The following P3H2 variants were observed in gnomAD, a reference collection of about 807,000 sequenced individuals.
The protein encoded by P3H2 is prolyl 3-hydroxylase 2, also known as leprecan-like 1.
Under a neutral mutation model 87.0 loss-of-function variants are expected in P3H2, and 80 were observed. That is an observed-to-expected ratio of 0.92 (90% CI 0.77 to 1.11). The LOEUF (loss-of-function observed/expected upper bound fraction) is 1.11. P3H2 is among the 50% of genes least tolerant of loss of function. P3H2 has a pLI of 0.00. For synonymous variants in P3H2, 367 were observed against 359.3 expected, an observed-to-expected ratio of 1.02 and a Z score of -0.24; for missense variants, 1,001 against 923.9, an observed-to-expected ratio of 1.08 and a Z score of -1.08.
At chr3:189,972,838 T>C (rs1476195366) in intron 11 of P3H2, 36 bp downstream of exon 11, 4 of 1,610,980 alleles carry the variant, frequency 2.5e-6, no homozygotes, top group Middle Eastern at 1.7e-4. Flanking sequence ...CAATGTATTG[T>C]GGGTAAAAGG....
chr3:190,049,202 C>G (rs547854055), intron 1 of P3H2, among the ~76,000 whole-genome samples: 4 of 152,066 alleles, frequency 2.6e-5, no homozygotes, highest in Admixed American at 6.5e-5. Context: ...AGATCAGGAT[C>G]GGGGAGTGTT....
rs141756433 is a variant in P3H2 at position 190,040,543 on chromosome 3, T to C, written c.481-45101A>G. Among the ~76,000 whole-genome samples the C allele has an allele frequency of 3.3e-3, 501 of 152,294 alleles. 5 individuals are homozygous for C. Among genetic ancestry groups the C allele is most frequent in the African/African-American group, 0.011 (478 of 41,578 alleles). ...ATACGACTAAAAATGTTCATATTCA[T>C]CACCTAAGGAAGGTAATGCTTTTAT... On this transcript the variant is annotated intron_variant, in intron 1 of 14. Coordinates refer to ENST00000319332, the MANE Select transcript of P3H2 (RefSeq NM_018192.4).
At chr3:190,034,951 C>T (rs187143713) in intron 1 of P3H2, among the ~76,000 whole-genome samples, 5 of 150,570 alleles carry the variant, frequency 3.3e-5, no homozygotes, top group Non-Finnish European at 5.9e-5. Context: ...CAGATTCAAG[C>T]GATTCTCCTG....
At chr3:190,104,111 A>T (rs938193808) in intron 1 of P3H2, among the ~76,000 whole-genome samples, 4 of 152,146 alleles carry the variant, frequency 2.6e-5, no homozygotes, top group African/African-American at 9.7e-5. Context: ...TTTTTGTGGT[A>T]AAGTATTGGT....
chr3:190,019,011 T>C (rs946746258), intron 1 of P3H2, among the ~76,000 whole-genome samples: 4 of 152,200 alleles, frequency 2.6e-5, no homozygotes, highest in Non-Finnish European at 5.9e-5. Context: ...AACTACTGGA[T>C]CCTATGCCAC....
intron 1 of P3H2, among the ~76,000 whole-genome samples, chr3:190,066,868 T>C (rs971135327): frequency 3.3e-5 from 5 of 152,118 alleles, no homozygotes; most frequent in African/African-American, 1.2e-4. Flanking sequence ...ATGTTCCTTC[T>C]GCCTAGAGTG....
At chr3:190,038,982 G>A (rs1725513324) in intron 1 of P3H2, among the ~76,000 whole-genome samples, 3 of 152,092 alleles carry the variant, frequency 2.0e-5, no homozygotes, top group Non-Finnish European at 2.9e-5. Context: ...CTGAGGTCGC[G>A]AGTTCAAGAC....
At chr3:189,966,131 GAAAGAA>G (rs1560339061) in intron 13 of P3H2, among the ~76,000 whole-genome samples, 3 of 51,266 alleles carry the variant, frequency 5.9e-5, no homozygotes, top group Non-Finnish European at 8.8e-5. Flanking sequence ...GAAAAAGAAA[GAAAGAA>G]AGAAAGAAAG....
chr3:190,017,721 A>G (rs2108938698), intron 1 of P3H2, among the ~76,000 whole-genome samples: 1 of 152,262 alleles, frequency 6.6e-6, no homozygotes, highest in South Asian at 2.1e-4. Flanking sequence ...GAGAAGGAGC[A>G]AACACTTTGT....
At chr3:190,010,656 T>A (rs710575) in intron 1 of P3H2, among the ~76,000 whole-genome samples, 30,022 of 152,164 alleles carry the variant, frequency 0.2, 3,255 homozygotes, top group Non-Finnish European at 0.25. Context: ...TTTGGGCTTC[T>A]GGCCTCTAGA....
At chr3:189,988,523 C>T (rs1723775746) in intron 4 of P3H2, among the ~76,000 whole-genome samples, 1 of 152,088 alleles carries the variant, frequency 6.6e-6, no homozygotes, top group Admixed American at 6.5e-5. Context: ...ATCTTTGATT[C>T]ACTGTTTATG....
At chr3:189,976,972 G>A (rs1267015016) in intron 8 of P3H2, among the ~76,000 whole-genome samples, 2 of 152,156 alleles carry the variant, frequency 1.3e-5, no homozygotes, top group South Asian at 2.1e-4. Context: ...ATAAGAGGAC[G>A]TCTCAGAACT....
At chr3:190,026,891 T>C (rs1332427289) in intron 1 of P3H2, among the ~76,000 whole-genome samples, 1 of 152,188 alleles carries the variant, frequency 6.6e-6, no homozygotes, top group Non-Finnish European at 1.5e-5. Context: ...GTGTAGTATT[T>C]ATCAAAACTC....
intron 6 of P3H2, 83 bp downstream of exon 6, chr3:189,986,705 G>A (rs1167609849): frequency 1.2e-5 from 12 of 1,016,734 alleles, no homozygotes; most frequent in Admixed American, 1.1e-4. Flanking sequence ...GAGGTAAATG[G>A]CAAAAATGGA....
In P3H2 at chr3:189,970,770, T is replaced by C. The variant is rs1257705608; in HGVS notation, c.1893+46A>G. On this transcript the variant is annotated intron_variant, in intron 13 of 14. Coordinates refer to ENST00000319332, the MANE Select transcript of P3H2 (RefSeq NM_018192.4). ...TAAGTACTTAGAAAAATGGCAATAC[T>C]GAGCTAAAACATACTAAATAAGTAT... 3.5e-6 allele frequency: 4 copies of C among 1,139,572 alleles called. No homozygotes were observed. In the African/African-American group the frequency reaches 6.1e-5, roughly 17 times the overall value. 70.6% of individuals were successfully genotyped at this position (1,139,572 alleles called of 1,614,324 possible). A position where few individuals can be genotyped will look rare whatever the true frequency, so the allele number is the denominator to read the frequency against.
At position 190,118,418 on chromosome 3, in the gene P3H2, C is replaced by T. The variant is rs114607527; in HGVS notation, c.480+1834G>A. Among the ~76,000 whole-genome samples, 1,266 of 152,014 alleles carry T rather than the reference C, an allele frequency of 8.3e-3. 13 individuals carry two copies. Among genetic ancestry groups the T allele is most frequent in the African/African-American group, 0.028 (1,161 of 41,464 alleles). On this transcript the variant is annotated intron_variant, in intron 1 of 14. Transcript: ENST00000319332. ...GGGAACTAGCTTATGATAACTTCAC[C>T]GTCAGACACTCAAGGTCCCCTCTCT...
upstream of P3H2, chr3:190,121,813 C>T (rs1479434780): frequency 1.3e-5 from 2 of 152,296 alleles, no homozygotes; most frequent in East Asian, 3.9e-4. Context: ...TGCTGTGGGC[C>T]AGGTGCAGTG....
At chr3:190,115,816 C>T (rs1376896879) in intron 1 of P3H2, among the ~76,000 whole-genome samples, 1 of 152,188 alleles carries the variant, frequency 6.6e-6, no homozygotes, top group Middle Eastern at 3.2e-3. Context: ...ATTCATTCAA[C>T]AAACATACAC....
rs774562126 is a variant in P3H2, at chr3:190,120,757, G to A, written c.-26C>T. On this transcript the variant is annotated 5_prime_UTR_variant, in exon 1 of 15. Coordinates refer to ENST00000319332, the MANE Select transcript of P3H2 (RefSeq NM_018192.4). The stretch of plus-strand genomic sequence containing the variant: ...CCTCCGCCTCAGAGAGGCGCGGGAC[G>A]GTTACGCTCGAGAGGGCTTCGGGGC... The A allele has an allele frequency of 2.0e-6, 3 of 1,515,360 alleles. No individual in the cohort carries two copies. Among genetic ancestry groups the A allele is most frequent in the South Asian group, 1.2e-5 (1 of 81,548 alleles). 93.9% of individuals were successfully genotyped at this position (1,515,360 alleles called of 1,614,324 possible).
Sources: gnomAD v4.1 joint callset for allele counts (sites outside exome capture counted in the v4.1 genomes callset) on GRCh38, gnomAD v4.1.1 for gene constraint, MANE v1.5 for transcripts, NCBI Gene and HGNC (gene_info 2026-07-23, HGNC 2026-07-21) for gene names.